Variants in ST3GAL3 observed in about 807,000 individuals in gnomAD.
ST3GAL3 encodes CMP-N-acetylneuraminate-beta-1,4-galactoside alpha-2,3-sialyltransferase.
ST3GAL3 carries 21 observed loss-of-function variants against 50.1 expected under a neutral mutation model. The observed-to-expected ratio is 0.42, with a 90% CI of 0.30 to 0.60. The LOEUF is 0.60. Ranked by LOEUF, ST3GAL3 falls within the 20% of genes least tolerant of loss-of-function variation. ST3GAL3 has a pLI of 0.19. For missense variants in ST3GAL3, 353 were observed against 489.4 expected (o/e 0.72, Z 2.63); for synonymous variants, 183 against 190.0 (o/e 0.96, Z 0.30).
At chr1:43,868,789 T>C (rs1429319661) in intron 5 of ST3GAL3, among the ~76,000 whole-genome samples, 1 of 152,186 alleles carries the variant, frequency 6.6e-6, no homozygotes, top group Non-Finnish European at 1.5e-5. Flanking sequence ...TTTAACTGTG[T>C]TGTGTATACC....
At chr1:43,853,195 C>T (rs758339210) in intron 5 of ST3GAL3, among the ~76,000 whole-genome samples, 2 of 152,274 alleles carry the variant, frequency 1.3e-5, no homozygotes, top group South Asian at 2.1e-4. Flanking sequence ...AAGTGAGGCA[C>T]CTACAGGCTA....
Position 43,899,326 on chromosome 1 carries a change from A to G in ST3GAL3, c.557+63A>G. 1 of 1,613,502 alleles carries G rather than the reference A, an allele frequency of 6.2e-7. No homozygotes were observed. Among genetic ancestry groups the G allele is most frequent in the Non-Finnish European group, 8.5e-7 (1 of 1,179,738 alleles). ...GGCCCCAACCCTTAGTCCTGAGCCC[A>G]TTGAGAACTGTCTGTCTGGCTAGTT... On this transcript the variant is annotated intron_variant, in intron 8 of 11. Coordinates refer to ENST00000347631, the MANE Select transcript of ST3GAL3 (RefSeq NM_006279.5). The surrounding 1 kb of genome is among the most constrained non-coding windows in gnomAD (Gnocchi z 5.4).
chr1:43,810,916 C>T (rs2060483953), intron 3 of ST3GAL3, among the ~76,000 whole-genome samples: 1 of 150,068 alleles, frequency 6.7e-6, no homozygotes, highest in Non-Finnish European at 1.5e-5. Context: ...CACTTTCGGT[C>T]ACCCCTGAGA....
At position 43,838,303 on chromosome 1, in the gene ST3GAL3, C is replaced by T; in HGVS notation, c.294C>T (p.Ile98=). The T allele has an allele frequency of 6.2e-7, 1 of 1,613,592 alleles. No individual in the cohort carries two copies. Among genetic ancestry groups the T allele is most frequent in the Non-Finnish European group, 8.5e-7 (1 of 1,179,724 alleles). Residue 98 remains isoleucine (I), a synonymous_variant, in exon 5 of 12, where the codon ATC becomes ATT. Coordinates refer to ENST00000347631, the MANE Select transcript of ST3GAL3 (RefSeq NM_006279.5). ...ATGCTTCAGCCTTGATGACGGCCAT[C>T]TTCCCCCGGTAAGTGCTCCTGTTTC... ...PGYASALMTA[I]FPRFSKPAPM... is the part of the protein sequence containing the mutation.
At chr1:43,842,153 A>G (rs888394242) in intron 5 of ST3GAL3, 6 of 152,148 alleles carry the variant, frequency 3.9e-5, no homozygotes, top group Non-Finnish European at 7.4e-5. Context: ...CCATATCCCT[A>G]TCAACATTTT....
chr1:43,915,144 C>G (rs1008507386), intron 9 of ST3GAL3, among the ~76,000 whole-genome samples: 5 of 152,204 alleles, frequency 3.3e-5, no homozygotes, highest in African/African-American at 1.2e-4. Context: ...AGTTGGGAGC[C>G]ATGAGGAGGG....
chr1:43,812,320 C>T (rs1022984900), intron 3 of ST3GAL3, among the ~76,000 whole-genome samples: 6 of 152,198 alleles, frequency 3.9e-5, no homozygotes, highest in Admixed American at 6.5e-5. Flanking sequence ...TGGTGGGAGC[C>T]GCCCTTCAGC....
At chr1:43,893,172 G>A (rs866233623) in intron 5 of ST3GAL3, among the ~76,000 whole-genome samples, 47 of 152,208 alleles carry the variant, frequency 3.1e-4, no homozygotes, top group African/African-American at 8.9e-4. Context: ...GGGACTGCTG[G>A]TTATAATGGT....
chr1:43,882,847 G>C (rs1187512761), intron 5 of ST3GAL3, among the ~76,000 whole-genome samples: 1 of 152,044 alleles, frequency 6.6e-6, no homozygotes. Context: ...CACTATCTTA[G>C]AGAAAAAAAG....
intron 2 of ST3GAL3, among the ~76,000 whole-genome samples, chr1:43,757,914 A>G (rs1482867688): frequency 3.3e-5 from 5 of 152,304 alleles, no homozygotes; most frequent in Non-Finnish European, 7.4e-5. Flanking sequence ...GTACTTTACT[A>G]AGTCAATAAA....
At chr1:43,827,139 A>G (rs1219115610) in intron 4 of ST3GAL3, among the ~76,000 whole-genome samples, 1 of 152,220 alleles carries the variant, frequency 6.6e-6, no homozygotes, top group Non-Finnish European at 1.5e-5. Context: ...GAAGGGAGAA[A>G]TAAAACTGTG....
At position 43,930,328 on chromosome 1, in the gene ST3GAL3, CA is replaced by C. The variant is rs1472574683; in HGVS notation, c.*108del. The C allele has an allele frequency of 1.8e-6, 2 of 1,118,726 alleles. No homozygotes were observed. The highest frequency in any genetic ancestry group is 2.7e-6 in the Non-Finnish European group (2 of 741,890). 69.3% of individuals were successfully genotyped at this position (1,118,726 alleles called of 1,614,324 possible). ...CAGAGAAGGACGGTGCCAAGGGCCC[CA>C]GGGGCAGCAAGGCCTTGGTGGAGCA... On this transcript the variant is annotated 3_prime_UTR_variant, in exon 12 of 12. Transcript: ENST00000347631.
chr1:43,917,812 G>T (rs917551837), intron 9 of ST3GAL3, among the ~76,000 whole-genome samples: 4 of 144,390 alleles, frequency 2.8e-5, no homozygotes, highest in Non-Finnish European at 6.0e-5. Flanking sequence ...GGGACTACAG[G>T]TGTATACCAC....
chr1:43,807,622 CAG>C (rs1310074610), intron 3 of ST3GAL3, among the ~76,000 whole-genome samples: 4 of 152,026 alleles, frequency 2.6e-5, no homozygotes, highest in African/African-American at 9.7e-5. Context: ...ATCTATTAGA[CAG>C]GGGCAGGGAG....
At chr1:43,878,813 G>A (rs1447845420) in intron 5 of ST3GAL3, among the ~76,000 whole-genome samples, 4 of 152,152 alleles carry the variant, frequency 2.6e-5, no homozygotes, top group Non-Finnish European at 5.9e-5. Flanking sequence ...TGAATATTTG[G>A]TGGAAGGCAG....
chr1:43,793,044 C>T (rs1232667363), intron 3 of ST3GAL3, among the ~76,000 whole-genome samples: 1 of 152,008 alleles, frequency 6.6e-6, no homozygotes, highest in Non-Finnish European at 1.5e-5. Flanking sequence ...TGATGATTCA[C>T]AAAACAGCCA....
At position 43,835,072 on chromosome 1, in the gene ST3GAL3, G is replaced by T. The variant is rs191213619; in HGVS notation, c.210-3147G>T. Among the ~76,000 whole-genome samples, 75 of 152,258 alleles carry T rather than the reference G, an allele frequency of 4.9e-4. 2 individuals are homozygous for T. The East Asian group carries it at 0.013, about 26-fold the overall frequency. On this transcript the variant is annotated intron_variant, in intron 4 of 11. Transcript: ENST00000347631. The stretch of plus-strand genomic sequence containing the variant: ...AGTGGTAACACTCTTCACCCCAGGG[G>T]CTTGGTAGTCACGTTTGCAGGACAA...
At chr1:43,898,399 G>T in intron 7 of ST3GAL3, 101 bp downstream of exon 7, 2 of 1,208,268 alleles carry the variant, frequency 1.7e-6, no homozygotes, top group South Asian at 2.4e-5. Flanking sequence ...AGTTTCTCCA[G>T]CACATCCACA....
At position 43,736,275 on chromosome 1, in the gene ST3GAL3, G is replaced by C; in HGVS notation, c.13G>C (p.Val5Leu). The change falls in exon 2 of 12, where the codon GTA (valine) becomes CTA (leucine). Residue 5 changes from valine (V) to leucine (L), a missense_variant. Physicochemically the swap from Val to Leu is conservative, Grantham distance 32 (BLOSUM62 1). Transcript: ENST00000347631. ...AAATCATGTGAAGATGGGACTCTTG[G>C]TATTTGTGCGCAATCTGCTGCTAGC... MGLL[V>L]FVRNLLLALC... The C allele has an allele frequency of 6.2e-7, 1 of 1,614,146 alleles. No individual in the cohort carries two copies. The highest frequency in any genetic ancestry group is 8.5e-7 in the Non-Finnish European group (1 of 1,180,004).
Sources: gnomAD v4.1 joint callset for allele counts (sites outside exome capture counted in the v4.1 genomes callset) on GRCh38, gnomAD v4.1.1 for gene constraint, Gnocchi (gnomAD v3.1) non-coding constraint, MANE v1.5 for transcripts, NCBI Gene and HGNC (gene_info 2026-07-23, HGNC 2026-07-21) for gene names.